Variants in CUEDC1 observed in about 807,000 individuals in gnomAD.
The protein encoded by CUEDC1 is CUE domain containing 1, also known as CUE domain-containing protein 1.
In CUEDC1, 30 loss-of-function variants were observed where a neutral mutation model predicts 43.7. That is an observed-to-expected ratio of 0.69 (90% CI 0.51 to 0.93). CUEDC1 has a LOEUF of 0.93. Among genes scored for constraint, CUEDC1 ranks in the 40% least tolerant of loss-of-function variants. CUEDC1 has a pLI of 0.00. For missense variants in CUEDC1, 486 were observed against 549.0 expected (o/e 0.89, Z 1.15); for synonymous variants, 223 against 223.6 (o/e 1.00, Z 0.02).
chr17:57,868,274 C>G (rs755152456), intron 7 of CUEDC1, 31 bp from the exon 8 acceptor site: 1 of 1,595,546 alleles, frequency 6.3e-7, no homozygotes, highest in Non-Finnish European at 8.6e-7. Flanking sequence ...GAGTCATTCT[C>G]TCAGCAGCCA....
At chr17:57,878,046 A>G (rs1211801536) in intron 3 of CUEDC1, among the ~76,000 whole-genome samples, 1 of 151,986 alleles carries the variant, frequency 6.6e-6, no homozygotes, top group Admixed American at 6.6e-5. Context: ...ACCACTCGTG[A>G]CAAAGATCCC....
chr17:57,906,685 G>A (rs550434968), intron 1 of CUEDC1, among the ~76,000 whole-genome samples: 2 of 152,222 alleles, frequency 1.3e-5, no homozygotes, highest in Admixed American at 1.3e-4. Flanking sequence ...GACACCATGA[G>A]TCAGGCCAGG....
rs755563905 is a variant in CUEDC1, at chr17:57,873,573, G to A, written c.591+18C>T. ...GGACAAGCAGGTGGGAGTGGAAGGC[G>A]GGGGCGGCCCCTGTTACCTGTATGC... On this transcript the variant is annotated intron_variant, in intron 4 of 10. Coordinates refer to ENST00000577830, the MANE Select transcript of CUEDC1 (RefSeq NM_001271875.2). The A allele has an allele frequency of 3.2e-5, 49 of 1,532,268 alleles. No homozygotes were observed. The highest frequency in any genetic ancestry group is 6.2e-5 in the South Asian group (5 of 80,212). The allele number at this position is 1,532,268 out of a possible 1,614,324, so 94.9% of individuals were successfully genotyped here. A position where few individuals can be genotyped will look rare whatever the true frequency, so the allele number is the denominator to read the frequency against.
intron 2 of CUEDC1, among the ~76,000 whole-genome samples, chr17:57,881,123 C>G (rs73992336): frequency 0.037 from 5,698 of 152,288 alleles, 336 homozygotes; most frequent in African/African-American, 0.13. Context: ...GCACACACAG[C>G]CTCCCAGGGG....
At chr17:57,908,028 C>A (rs1207664638) in intron 1 of CUEDC1, among the ~76,000 whole-genome samples, 1 of 152,000 alleles carries the variant, frequency 6.6e-6, no homozygotes, top group Non-Finnish European at 1.5e-5. Flanking sequence ...GGACCTCGTT[C>A]ACACACGCAT....
intron 1 of CUEDC1, among the ~76,000 whole-genome samples, chr17:57,908,530 T>C (rs1477035483): frequency 6.6e-6 from 1 of 152,236 alleles, no homozygotes; most frequent in African/African-American, 2.4e-5. Flanking sequence ...GTGGGGCACA[T>C]TTGTGGTCAG....
intron 1 of CUEDC1, among the ~76,000 whole-genome samples, chr17:57,928,180 G>A (rs923726706): frequency 6.6e-6 from 1 of 152,206 alleles, no homozygotes; most frequent in African/African-American, 2.4e-5. Context: ...GTGTTTGTGT[G>A]TGCCTATGCT....
intron 3 of CUEDC1, among the ~76,000 whole-genome samples, chr17:57,874,213 A>T (rs1418282935): frequency 6.6e-6 from 1 of 152,084 alleles, no homozygotes; most frequent in Non-Finnish European, 1.5e-5. Flanking sequence ...ATCCCTACAG[A>T]GGGTAAAGCA....
intron 2 of CUEDC1, among the ~76,000 whole-genome samples, chr17:57,883,089 G>A (rs535480122): frequency 5.9e-5 from 9 of 152,062 alleles, no homozygotes; most frequent in Non-Finnish European, 1.3e-4. Flanking sequence ...CTACAAAGAG[G>A]ATCCATATTT....
chr17:57,870,178 T>C (rs1022168952), intron 6 of CUEDC1, among the ~76,000 whole-genome samples: 4 of 152,226 alleles, frequency 2.6e-5, no homozygotes, highest in African/African-American at 9.6e-5. Flanking sequence ...GGGCAGCTTG[T>C]GTACATGTGG....
chr17:57,891,138 T>C (rs1469306023), intron 1 of CUEDC1, among the ~76,000 whole-genome samples: 1 of 152,126 alleles, frequency 6.6e-6, no homozygotes, highest in Non-Finnish European at 1.5e-5. Flanking sequence ...CTCCAACCTC[T>C]CATGGGCACT....
chr17:57,948,448 T>C (rs1217229571), intron 1 of CUEDC1, among the ~76,000 whole-genome samples: 3 of 152,178 alleles, frequency 2.0e-5, no homozygotes, highest in African/African-American at 7.2e-5. Context: ...CAGACTCTGT[T>C]TGTGCCTTGG....
intron 3 of CUEDC1, among the ~76,000 whole-genome samples, chr17:57,876,051 G>C (rs924102514): frequency 2.0e-5 from 3 of 152,074 alleles, no homozygotes; most frequent in Non-Finnish European, 4.4e-5. Context: ...GCAGGTTCTC[G>C]GCACCCCAGT....
intron 6 of CUEDC1, among the ~76,000 whole-genome samples, chr17:57,869,408 G>C (rs744930): frequency 0.047 from 7,131 of 152,250 alleles, 530 homozygotes; most frequent in African/African-American, 0.16. Flanking sequence ...AGGGTTCAGC[G>C]GTCTACTGTG....
chr17:57,872,293 G>A (rs534410499), intron 5 of CUEDC1, among the ~76,000 whole-genome samples: 4 of 152,340 alleles, frequency 2.6e-5, no homozygotes, highest in East Asian at 1.9e-4. Flanking sequence ...TTCTGTTTCC[G>A]GAGCTCCAGA....
chr17:57,924,944 C>A (rs756627737), intron 1 of CUEDC1, among the ~76,000 whole-genome samples: 15 of 152,040 alleles, frequency 9.9e-5, no homozygotes, highest in Non-Finnish European at 1.9e-4. Flanking sequence ...GGGGTGTCAA[C>A]AATAGTCAGC....
intron 1 of CUEDC1, among the ~76,000 whole-genome samples, chr17:57,941,553 G>A (rs2074917425): frequency 1.3e-5 from 2 of 152,218 alleles, no homozygotes; most frequent in African/African-American, 2.4e-5. Flanking sequence ...AGAAGAACTG[G>A]AGCCAGGGCT....
rs1193178772 is a variant in CUEDC1, at chr17:57,885,420, G to T, written c.145C>A (p.Gln49Lys). The T allele has an allele frequency of 1.9e-6, 3 of 1,605,442 alleles. No individual in the cohort carries two copies. Among genetic ancestry groups the T allele is most frequent in the Non-Finnish European group, 2.5e-6 (3 of 1,177,242 alleles). ...ARQVRRLEFN[Q>K]AMDDFKTMFP... ...ATGGTCTTGAAGTCGTCCATGGCCT[G>T]GTTGAACTCCAGGCGGCGCACCTGG... The change falls in exon 2 of 11, where the codon CAG becomes AAG. Residue 49 changes from glutamine (Q) to lysine (K), a missense_variant. Coordinates refer to ENST00000577830, the MANE Select transcript of CUEDC1 (RefSeq NM_001271875.2).
intron 1 of CUEDC1, among the ~76,000 whole-genome samples, chr17:57,947,778 G>C (rs1400208311): frequency 6.6e-6 from 1 of 152,066 alleles, no homozygotes; most frequent in Non-Finnish European, 1.5e-5. Context: ...ACTCCAGCCT[G>C]GGTGAAAGAG....
Sources: allele counts gnomAD v4.1 joint callset (sites outside exome capture counted in the v4.1 genomes callset), GRCh38; gene constraint gnomAD v4.1.1; transcripts MANE v1.5; gene names NCBI Gene and HGNC (gene_info 2026-07-23, HGNC 2026-07-21).